The following USP43 variants were observed in gnomAD, a reference collection of about 807,000 sequenced individuals.
The protein encoded by USP43 is ubiquitin specific peptidase 43.
Under a neutral mutation model 90.7 loss-of-function variants are expected in USP43, and 33 were observed. The observed-to-expected ratio is 0.36, with a 90% CI of 0.28 to 0.49. The LOEUF (loss-of-function observed/expected upper bound fraction) is 0.49. Among genes scored for constraint, USP43 ranks in the 20% least tolerant of loss-of-function variants. The probability of loss-of-function intolerance (pLI) is 0.98; values close to 1 mark genes in which losing one functional copy is unlikely to be tolerated. For synonymous variants in USP43, 598 were observed against 615.8 expected (o/e 0.97, Z 0.43); for missense variants, 1,274 against 1,476.4 (o/e 0.86, Z 2.25).
intron 2 of USP43, among the ~76,000 whole-genome samples, chr17:9,660,187 G>T (rs1422794810): frequency 6.6e-6 from 1 of 152,156 alleles, no homozygotes; most frequent in African/African-American, 2.4e-5. Flanking sequence ...GTCTTGCTGT[G>T]TTGCCCAGGT....
At chr17:9,675,847 A>G (rs1913736961) in intron 4 of USP43, among the ~76,000 whole-genome samples, 2 of 152,204 alleles carry the variant, frequency 1.3e-5, no homozygotes, top group African/African-American at 2.4e-5. Flanking sequence ...GATAATGTCA[A>G]CTTATAGATG....
At position 9,686,874 on chromosome 17, in the gene USP43, G is replaced by T; in HGVS notation, c.1318G>T (p.Val440Phe). The change falls in exon 8 of 15, where the codon GTC becomes TTC. Residue 440 changes from valine to phenylalanine, a missense_variant. Physicochemically the swap from Val to Phe is conservative, Grantham distance 50. Transcript: ENST00000285199. The surrounding 1 kb of genome is among the most constrained non-coding windows in gnomAD (Gnocchi z 5.5). ...AQLQQSILSK[V>F]RHLMKSEAPV... ...GCTCCAGCAGTCTATCCTCAGCAAG[G>T]TCCGCCATCTTATGAAGAGTGAGGC... The T allele has an allele frequency of 6.2e-7, 1 of 1,613,782 alleles. No individual in the cohort carries two copies. Among genetic ancestry groups the T allele is most frequent in the Non-Finnish European group, 8.5e-7 (1 of 1,179,862 alleles).
intron 14 of USP43, among the ~76,000 whole-genome samples, chr17:9,715,072 A>G (rs905386646): frequency 2.6e-5 from 4 of 152,212 alleles, no homozygotes; most frequent in Non-Finnish European, 5.9e-5. Flanking sequence ...GCGGGTTGAC[A>G]GCTAAGTAGG....
At chr17:9,697,858 G>A (rs1016082536) in intron 9 of USP43, among the ~76,000 whole-genome samples, 6 of 152,182 alleles carry the variant, frequency 3.9e-5, no homozygotes, top group East Asian at 3.8e-4. Context: ...ATACCCAGGA[G>A]CAGAATTGCT....
intron 3 of USP43, among the ~76,000 whole-genome samples, chr17:9,668,832 C>CT (rs1301768898): frequency 6.6e-6 from 1 of 151,398 alleles, no homozygotes; most frequent in Non-Finnish European, 1.5e-5. Context: ...TGTAGGGCAT[C>CT]TGTCTTATTT....
At chr17:9,681,461 A>ATATT (rs1555550095) in intron 6 of USP43, among the ~76,000 whole-genome samples, 27 of 65,012 alleles carry the variant, frequency 4.2e-4, no homozygotes, top group African/African-American at 1.2e-3. Context: ...TATAAAATAT[A>ATATT]TTATATATAT....
At chr17:9,721,483 C>T (rs16958681) in intron 14 of USP43, among the ~76,000 whole-genome samples, 8 of 152,182 alleles carry the variant, frequency 5.3e-5, no homozygotes, top group South Asian at 2.1e-4. Context: ...GCTACCATTG[C>T]GCCACAAGGT....
intron 3 of USP43, among the ~76,000 whole-genome samples, chr17:9,671,812 T>C (rs994650245): frequency 6.6e-6 from 1 of 152,038 alleles, no homozygotes; most frequent in Non-Finnish European, 1.5e-5. Flanking sequence ...TCAGGCCACA[T>C]AGGGGTATTG....
intron 3 of USP43, among the ~76,000 whole-genome samples, chr17:9,667,940 A>G (rs1018309217): frequency 6.6e-6 from 1 of 152,188 alleles, no homozygotes; most frequent in East Asian, 1.9e-4. Flanking sequence ...TTCTACAGAC[A>G]CATGGTAAGT....
chr17:9,683,468 A>G (rs1914421325), intron 7 of USP43, among the ~76,000 whole-genome samples: 1 of 152,176 alleles, frequency 6.6e-6, no homozygotes, highest in Non-Finnish European at 1.5e-5. Context: ...CTAAAAATGT[A>G]TCTTGAATAA....
At chr17:9,678,442 C>T (rs184758691) in intron 5 of USP43, among the ~76,000 whole-genome samples, 12 of 152,196 alleles carry the variant, frequency 7.9e-5, no homozygotes, top group East Asian at 3.9e-4. Flanking sequence ...CTGCAACCTC[C>T]GCCTCCCAGG....
chr17:9,693,287 G>A, intron 9 of USP43, 57 bp downstream of exon 9: 1 of 1,389,906 alleles, frequency 7.2e-7, no homozygotes, highest in South Asian at 1.2e-5. Context: ...TTTTACCAGA[G>A]TCCTTTGAGG....
In USP43 at chr17:9,729,121, T is replaced by TC; in HGVS notation, c.*131_*132insC. On this transcript the variant is annotated 3_prime_UTR_variant, in exon 15 of 15. Transcript: ENST00000285199. ...ATCTCTAAAAAAAAATTTTTTTTTT[T>TC]TTGTGGTGGGGGGTCTCCATATCTA... 1 of 934,494 alleles carries TC rather than the reference T, an allele frequency of 1.1e-6. No homozygotes were observed. Among genetic ancestry groups the TC allele is most frequent in the East Asian group, 3.0e-5 (1 of 33,202 alleles). 57.9% of individuals were successfully genotyped at this position (934,494 alleles called of 1,614,324 possible).
chr17:9,711,168 T>G (rs990489393), intron 13 of USP43, among the ~76,000 whole-genome samples: 5 of 152,168 alleles, frequency 3.3e-5, no homozygotes, highest in African/African-American at 1.2e-4. Context: ...TAATGCCCAC[T>G]GTAAAAGATT....
intron 1 of USP43, among the ~76,000 whole-genome samples, chr17:9,653,200 G>A (rs1330061898): frequency 6.6e-6 from 1 of 152,188 alleles, no homozygotes; most frequent in Non-Finnish European, 1.5e-5. Context: ...AGGTTGTCAG[G>A]TACTATAGCC....
intron 14 of USP43, 120 bp downstream of exon 14, chr17:9,712,252 G>T: frequency 8.1e-7 from 1 of 1,241,174 alleles, no homozygotes; most frequent in Non-Finnish European, 1.1e-6. Flanking sequence ...ATTACGAGAG[G>T]TTTGTTCATC....
chr17:9,711,418 G>A (rs1597882092), intron 13 of USP43, among the ~76,000 whole-genome samples: 1 of 152,116 alleles, frequency 6.6e-6, no homozygotes, highest in African/African-American at 2.4e-5. Context: ...TTCCTTTGTT[G>A]TTGTTGTTGT....
chr17:9,675,437 A>G (rs966121818), intron 4 of USP43, among the ~76,000 whole-genome samples: 1 of 152,204 alleles, frequency 6.6e-6, no homozygotes, highest in African/African-American at 2.4e-5. Flanking sequence ...GAGAAAAAAA[A>G]AGAAAAGTGG....
intron 13 of USP43, among the ~76,000 whole-genome samples, chr17:9,711,318 T>C (rs1418968997): frequency 6.6e-6 from 1 of 152,198 alleles, no homozygotes; most frequent in Non-Finnish European, 1.5e-5. Context: ...GTACTTTGGC[T>C]CTGGAAAAAG....
Sources: allele counts gnomAD v4.1 joint callset (sites outside exome capture counted in the v4.1 genomes callset), GRCh38; gene constraint gnomAD v4.1.1; non-coding constraint Gnocchi (gnomAD v3.1); transcripts MANE v1.5; gene names NCBI Gene and HGNC (gene_info 2026-07-23, HGNC 2026-07-21).